Variants in TRERF1 observed in about 807,000 individuals in gnomAD.
TRERF1 encodes the protein transcriptional regulating factor 1, also known as transcriptional-regulating factor 1.
TRERF1 carries 27 observed loss-of-function variants against 122.9 expected under a neutral mutation model. That is an observed-to-expected ratio of 0.22 (90% confidence interval 0.16 to 0.30). TRERF1 has a LOEUF of 0.30. Ranked by LOEUF, TRERF1 falls within the 10% of genes least tolerant of loss-of-function variation. TRERF1 has a pLI of 1.00. For missense variants in TRERF1, 1,248 were observed against 1,560.3 expected (o/e 0.80, Z 3.37); for synonymous variants, 636 against 641.7 (o/e 0.99, Z 0.13).
At chr6:42,277,230 G>A (rs1208748449) in intron 4 of TRERF1, among the ~76,000 whole-genome samples, 1 of 152,054 alleles carries the variant, frequency 6.6e-6, no homozygotes, top group Non-Finnish European at 1.5e-5. Context: ...ATATATTCCT[G>A]GACACATTTG....
intron 4 of TRERF1, among the ~76,000 whole-genome samples, chr6:42,290,736 CTTTCCTTTTTTTTT>C (rs1784159660): frequency 8.3e-6 from 1 of 120,038 alleles, no homozygotes; most frequent in South Asian, 2.6e-4. Context: ...TTTTCCATTT[CTTTCCTTTTTTTTT>C]TTTTTTTTTT....
At chr6:42,409,831 C>T (rs953592409) in intron 2 of TRERF1, among the ~76,000 whole-genome samples, 2 of 152,204 alleles carry the variant, frequency 1.3e-5, no homozygotes, top group South Asian at 2.1e-4. Flanking sequence ...TCAGTATCTG[C>T]AGCCCCTGTG....
At chr6:42,262,334 G>A (rs1778073449) in intron 8 of TRERF1, among the ~76,000 whole-genome samples, 1 of 151,844 alleles carries the variant, frequency 6.6e-6, no homozygotes, top group Non-Finnish European at 1.5e-5. Flanking sequence ...ATTCCCAGCA[G>A]CTACCTATTC....
chr6:42,254,502 G>T (rs531652610), intron 13 of TRERF1, among the ~76,000 whole-genome samples: 3 of 152,142 alleles, frequency 2.0e-5, no homozygotes, highest in Non-Finnish European at 2.9e-5. Flanking sequence ...TTGGCCAAGG[G>T]GTGCGGTAGA....
rs111271127 is a variant in TRERF1 at position 42,304,538 on chromosome 6, G to T, written c.-370-3789C>A. On this transcript the variant is annotated intron_variant, in intron 3 of 17. Coordinates refer to ENST00000372922, the Ensembl canonical transcript of TRERF1. ...AGAATCCACAAGGATTTCCCAGCCGGTGCTGACGCTGCAGGGCAGCTTTGC... is the reference window on the plus strand; with the variant it reads ...AGAATCCACAAGGATTTCCCAGCCGTTGCTGACGCTGCAGGGCAGCTTTGC... 3.3e-5 allele frequency among the ~76,000 whole-genome samples: 5 copies of T among 152,324 alleles called. No individual in the cohort carries two copies. The East Asian group carries it at 9.7e-4, about 29-fold the overall frequency.
intron 4 of TRERF1, among the ~76,000 whole-genome samples, chr6:42,278,308 G>T (rs1000230): frequency 0.21 from 31,326 of 152,116 alleles, 4,042 homozygotes; most frequent in East Asian, 0.34. Context: ...GAGGGGAGGC[G>T]ATGTTAAATT....
chr6:42,289,672 C>T lies in TRERF1; in HGVS notation c.-259+10966G>A, dbSNP rs74622056. On this transcript the variant is annotated intron_variant, in intron 4 of 17. Coordinates refer to ENST00000372922, the Ensembl canonical transcript of TRERF1. Reference sequence around the variant, plus strand: ...TCAAAGAGAAGGAAAGTCAGTGTTCCCATATCATCAAATGCTCATCTGTAA... The same window carrying T: ...TCAAAGAGAAGGAAAGTCAGTGTTCTCATATCATCAAATGCTCATCTGTAA... 3.9e-3 allele frequency among the ~76,000 whole-genome samples: 599 copies of T among 152,138 alleles called. 2 individuals carry two copies. Among genetic ancestry groups the T allele is most frequent in the African/African-American group, 0.014 (575 of 41,502 alleles).
At chr6:42,396,327 G>T (rs1212985708) in intron 2 of TRERF1, among the ~76,000 whole-genome samples, 2 of 151,814 alleles carry the variant, frequency 1.3e-5, no homozygotes, top group Non-Finnish European at 2.9e-5. Context: ...CCAAATCTGG[G>T]CCCCCACCCC....
chr6:42,312,749 T>A lies in TRERF1; in HGVS notation c.-370-12000A>T, dbSNP rs1407068044. 2.0e-5 allele frequency among the ~76,000 whole-genome samples: 3 copies of A among 152,124 alleles called. No homozygotes were observed. In the South Asian group the frequency reaches 6.2e-4, roughly 32 times the overall value. ...GCTTCCCTTTCATTAATTCATCGAC[T>A]CCACACACATGCACTGGGTCTTAGT... On this transcript the variant is annotated intron_variant, in intron 3 of 17. Coordinates refer to ENST00000372922, the Ensembl canonical transcript of TRERF1.
At chr6:42,328,004 CTTTTTTTT>C (rs36069546) in intron 3 of TRERF1, among the ~76,000 whole-genome samples, 5,689 of 108,066 alleles carry the variant, frequency 0.053, 275 homozygotes, top group East Asian at 0.27. Context: ...TTCTTTCTTT[CTTTTTTTT>C]TTTTTTTTTT....
intron 2 of TRERF1, among the ~76,000 whole-genome samples, chr6:42,411,430 C>T (rs1009435304): frequency 6.6e-6 from 1 of 152,132 alleles, no homozygotes; most frequent in African/African-American, 2.4e-5. Flanking sequence ...GGGTCTTGGT[C>T]CCAATTCGGG....
At chr6:42,406,356 G>A (rs939146783) in intron 2 of TRERF1, among the ~76,000 whole-genome samples, 1 of 152,076 alleles carries the variant, frequency 6.6e-6, no homozygotes, top group Non-Finnish European at 1.5e-5. Context: ...CTCACTCCAC[G>A]GAAGAAGATG....
chr6:42,371,726 C>T (rs1473412796), intron 2 of TRERF1, among the ~76,000 whole-genome samples: 1 of 152,116 alleles, frequency 6.6e-6, no homozygotes, highest in Non-Finnish European at 1.5e-5. Flanking sequence ...AGCATTCAGC[C>T]CCTGTCCTAT....
intron 2 of TRERF1, among the ~76,000 whole-genome samples, chr6:42,449,343 C>A (rs1335937851): frequency 6.6e-6 from 1 of 152,148 alleles, no homozygotes; most frequent in East Asian, 1.9e-4. Context: ...AGAGGTGTGT[C>A]ACTCCGGGTA....
intron 3 of TRERF1, among the ~76,000 whole-genome samples, chr6:42,309,577 C>G (rs1372837451): frequency 6.6e-6 from 1 of 152,170 alleles, no homozygotes; most frequent in East Asian, 1.9e-4. Flanking sequence ...GCCTTAGCAT[C>G]CCTGGGAATT....
At chr6:42,329,792 C>T (rs1350603464) in intron 3 of TRERF1, among the ~76,000 whole-genome samples, 1 of 151,968 alleles carries the variant, frequency 6.6e-6, no homozygotes, top group Non-Finnish European at 1.5e-5. Flanking sequence ...AGTTTGAGAC[C>T]AGCCTAGCCA....
chr6:42,230,467 G>A (rs559161641), intron 17 of TRERF1, among the ~76,000 whole-genome samples: 48 of 152,164 alleles, frequency 3.2e-4, no homozygotes, highest in African/African-American at 9.9e-4. Flanking sequence ...GGAATGTAGC[G>A]TTGTAGCCTG....
rs1326007971 is a variant in TRERF1, at chr6:42,287,055, C to T, written c.-259+13583G>A. Among the ~76,000 whole-genome samples the T allele has an allele frequency of 3.8e-3, 559 of 147,108 alleles. 14 individuals carry two copies. The highest frequency in any genetic ancestry group is 6.6e-3 in the Non-Finnish European group (440 of 66,534). On this transcript the variant is annotated intron_variant, in intron 4 of 17. Transcript: ENST00000372922. ...ACTATCGCAAGAACAAAAAAACAAA[C>T]GCCGCATATTCTCACTCATAGGTGG...
In TRERF1 at chr6:42,228,046, A is replaced by G. The variant is rs1769786949; in HGVS notation, c.*299T>C. On this transcript the variant is annotated 3_prime_UTR_variant, in exon 18 of 18. Transcript: ENST00000372922. This position sits in a 1 kb window ranked among gnomAD's most constrained non-coding sequence, Gnocchi z 4.2. ...CCGGGATGGTTGACATCTGAATGCA[A>G]TGGAACATGAAGGTCAGCTTCAGTC... is the stretch of plus-strand genomic sequence containing the variant. 2.3e-5 allele frequency: 6 copies of G among 266,586 alleles called. No individual in the cohort carries two copies. In the South Asian group the frequency reaches 4.9e-4, roughly 22 times the overall value. 16.5% of individuals were successfully genotyped at this position (266,586 alleles called of 1,614,324 possible). A position where few individuals can be genotyped will look rare whatever the true frequency, so the allele number is the denominator to read the frequency against.
Sources: gnomAD v4.1 joint callset for allele counts (sites outside exome capture counted in the v4.1 genomes callset) on GRCh38, gnomAD v4.1.1 for gene constraint, Gnocchi (gnomAD v3.1) non-coding constraint, MANE v1.5 for transcripts, NCBI Gene and HGNC (gene_info 2026-07-23, HGNC 2026-07-21) for gene names.